CORO2B: variants seen among roughly 807,000 people sequenced by gnomAD.
The protein encoded by CORO2B is coronin 2B.
A neutral mutation model predicts 58.8 loss-of-function variants in CORO2B; 26 were observed. The ratio of observed to expected loss-of-function variants is 0.44; its 90% CI spans 0.32 to 0.61. The LOEUF (loss-of-function observed/expected upper bound fraction) is 0.61, where lower values mean the gene tolerates loss of function less well. Ranked by LOEUF, CORO2B falls within the 20% of genes least tolerant of loss-of-function variation. The probability of loss-of-function intolerance (pLI) is 0.04; values close to 1 mark genes in which losing one functional copy is unlikely to be tolerated. For synonymous variants in CORO2B, 242 were observed against 253.8 expected, an observed-to-expected ratio of 0.95 and a Z score of 0.44; for missense variants, 460 against 645.1, an observed-to-expected ratio of 0.71 and a Z score of 3.11.
intron 1 of CORO2B, among the ~76,000 whole-genome samples, chr15:68,584,086 G>T (rs1212055985): frequency 6.6e-6 from 1 of 152,240 alleles, no homozygotes; most frequent in African/African-American, 2.4e-5. Flanking sequence ...ATTAGCCACA[G>T]TCCCTGGGAT....
At chr15:68,596,028 C>T (rs1206236172) in intron 1 of CORO2B, among the ~76,000 whole-genome samples, 1 of 151,102 alleles carries the variant, frequency 6.6e-6, no homozygotes, top group Non-Finnish European at 1.5e-5. Flanking sequence ...GGGTCGGGGG[C>T]TGGGAAGGTG....
chr15:68,701,634 C>T (rs1024452749), intron 3 of CORO2B, among the ~76,000 whole-genome samples: 9 of 151,500 alleles, frequency 5.9e-5, no homozygotes, highest in African/African-American at 2.2e-4. Context: ...TACAGGTGCG[C>T]GCCACCATGC....
At chr15:68,647,919 T>C (rs1901498363) in intron 2 of CORO2B, among the ~76,000 whole-genome samples, 2 of 149,522 alleles carry the variant, frequency 1.3e-5, no homozygotes, top group African/African-American at 4.9e-5. Flanking sequence ...TCCCAGCTAC[T>C]TGGGAGGCTG....
At chr15:68,523,614 A>G in the CORO2B span, among the ~76,000 whole-genome samples, 1 of 152,198 alleles carries the variant, frequency 6.6e-6, no homozygotes, top group Admixed American at 6.5e-5. Context: ...AAGTGGAAAA[A>G]TGCTAACTGT....
At chr15:68,722,490 T>C (rs1893184824) in intron 11 of CORO2B, among the ~76,000 whole-genome samples, 1 of 152,238 alleles carries the variant, frequency 6.6e-6, no homozygotes, top group Non-Finnish European at 1.5e-5. Context: ...GTCCTACGAT[T>C]GTACAACTCA....
chr15:68,628,590 A>C (rs1312949822), intron 1 of CORO2B, among the ~76,000 whole-genome samples: 1 of 152,236 alleles, frequency 6.6e-6, no homozygotes, highest in South Asian at 2.1e-4. Context: ...TATTAAGCCC[A>C]TGGTATGAGC....
intron 1 of CORO2B, among the ~76,000 whole-genome samples, chr15:68,604,282 C>T (rs148153112): frequency 1.6e-3 from 242 of 152,276 alleles, no homozygotes; most frequent in South Asian, 0.015. Flanking sequence ...TCAGTAGCAG[C>T]TTCTACCATC....
chr15:68,575,577 G>GCACCCCC (rs370419859), upstream of CORO2B, among the ~76,000 whole-genome samples: 1 of 38,752 alleles, frequency 2.6e-5, no homozygotes. Context: ...CTTGTGATCT[G>GCACCCCC]CCCCCGCCTC....
upstream of CORO2B, among the ~76,000 whole-genome samples, chr15:68,575,577 G>GCCCCCCTC (rs78111726): frequency 1.8e-4 from 7 of 38,752 alleles, 1 homozygote; most frequent in South Asian, 1.4e-3. Context: ...CTTGTGATCT[G>GCCCCCCTC]CCCCCGCCTC....
the CORO2B span, among the ~76,000 whole-genome samples, chr15:68,548,993 G>C: frequency 6.6e-6 from 1 of 151,910 alleles, no homozygotes; most frequent in Non-Finnish European, 1.5e-5. Context: ...TTTTCCTATT[G>C]GTTTATGTTT....
Position 68,695,170 on chromosome 15 carries a change from G to A in CORO2B, c.247G>A (p.Val83Ile), listed in dbSNP as rs772291433. The A allele has an allele frequency of 6.8e-6, 11 of 1,613,844 alleles. No individual in the cohort carries two copies. The highest frequency in any genetic ancestry group is 8.5e-7 in the Non-Finnish European group (1 of 1,179,934). Reference sequence around the variant, plus strand: ...CAGGATTGAACCCAACTACCCCAAGGTCTGCGGCCACCAGGGCAATGTGCT... The same window carrying A: ...CAGGATTGAACCCAACTACCCCAAGATCTGCGGCCACCAGGGCAATGTGCT... Reference protein sequence around the residue: ...TGRIEPNYPKVCGHQGNVLDI... With the variant: ...TGRIEPNYPKICGHQGNVLDI... The change falls in exon 3 of 12, where the codon GTC (valine) becomes ATC (isoleucine). Residue 83 changes from valine (V) to isoleucine (I), a missense_variant. Val to Ile is a conservative substitution (Grantham distance 29). Transcript: ENST00000261861.
intron 1 of CORO2B, among the ~76,000 whole-genome samples, chr15:68,601,805 C>T (rs916086048): frequency 1.3e-5 from 2 of 152,184 alleles, no homozygotes; most frequent in African/African-American, 2.4e-5. Context: ...GTCTTAGTCC[C>T]TCTGTGCTGC....
At chr15:68,607,131 A>T (rs1367116886) in intron 1 of CORO2B, among the ~76,000 whole-genome samples, 1 of 151,976 alleles carries the variant, frequency 6.6e-6, no homozygotes, top group Non-Finnish European at 1.5e-5. Flanking sequence ...CCAGGCACAG[A>T]GGGGATAGTT....
At chr15:68,697,521 G>A (rs761557536) in intron 3 of CORO2B, among the ~76,000 whole-genome samples, 3 of 152,168 alleles carry the variant, frequency 2.0e-5, no homozygotes, top group Non-Finnish European at 2.9e-5. Context: ...GAGTGGTGAG[G>A]AGGTGACTGG....
At chr15:68,524,635 C>A in the CORO2B span, among the ~76,000 whole-genome samples, 3 of 152,214 alleles carry the variant, frequency 2.0e-5, no homozygotes, top group Admixed American at 6.5e-5. Context: ...ATAAAAATTT[C>A]TTTAACCAAG....
At chr15:68,619,694 CACAT>C (rs1231836403) in intron 1 of CORO2B, among the ~76,000 whole-genome samples, 3 of 151,844 alleles carry the variant, frequency 2.0e-5, no homozygotes, top group Admixed American at 6.6e-5. Context: ...TATATATGTA[CACAT>C]ACATATGTGT....
chr15:68,709,648 G>A (rs984500662), intron 3 of CORO2B, among the ~76,000 whole-genome samples: 1 of 151,570 alleles, frequency 6.6e-6, no homozygotes, highest in African/African-American at 2.4e-5. Context: ...GTAGAGGCAC[G>A]GTCTCGCTGT....
At chr15:68,633,538 C>CACACACACAT (rs1320772023) in intron 1 of CORO2B, among the ~76,000 whole-genome samples, 2 of 151,874 alleles carry the variant, frequency 1.3e-5, no homozygotes, top group African/African-American at 2.4e-5. Context: ...CACACACACA[C>CACACACACAT]ACACACACTC....
intron 1 of CORO2B, among the ~76,000 whole-genome samples, chr15:68,606,053 G>C (rs1900115090): frequency 1.3e-5 from 2 of 151,726 alleles, no homozygotes; most frequent in African/African-American, 2.4e-5. Context: ...TGAGCAGCTG[G>C]GTGGGTGAAG....
Sources: allele counts gnomAD v4.1 joint callset (sites outside exome capture counted in the v4.1 genomes callset), GRCh38; gene constraint gnomAD v4.1.1; transcripts MANE v1.5; gene names NCBI Gene and HGNC (gene_info 2026-07-23, HGNC 2026-07-21).